The following ARRB1 variants were observed in gnomAD, a reference collection of about 807,000 sequenced individuals.
ARRB1 encodes beta-arrestin-1.
In ARRB1, 21 loss-of-function variants were observed where a neutral mutation model predicts 56.8. The observed-to-expected ratio is 0.37, with a 90% CI of 0.26 to 0.53. The LOEUF (loss-of-function observed/expected upper bound fraction) is 0.53, where lower values mean the gene tolerates loss of function less well. ARRB1 is among the 20% of genes least tolerant of loss of function. The probability of loss-of-function intolerance (pLI) is 0.88; values close to 1 mark genes in which losing one functional copy is unlikely to be tolerated. For missense variants in ARRB1, 424 were observed against 553.7 expected (o/e 0.77, Z 2.35); for synonymous variants, 210 against 218.6 (o/e 0.96, Z 0.35).
At chr11:75,299,674 C>A (rs1305937173) in intron 1 of ARRB1, among the ~76,000 whole-genome samples, 1 of 152,190 alleles carries the variant, frequency 6.6e-6, no homozygotes, top group Non-Finnish European at 1.5e-5. Context: ...AGCTCCACAT[C>A]CAGTGTGTCC....
intron 1 of ARRB1, among the ~76,000 whole-genome samples, chr11:75,338,302 T>C (rs963262274): frequency 2.0e-5 from 3 of 152,084 alleles, no homozygotes; most frequent in Non-Finnish European, 4.4e-5. Context: ...AGACAGCAAC[T>C]AGAAGACAAT....
intron 1 of ARRB1, among the ~76,000 whole-genome samples, chr11:75,319,076 C>A (rs553323652): frequency 2.8e-4 from 42 of 152,312 alleles, no homozygotes; most frequent in Non-Finnish European, 3.4e-4. Context: ...TACCCCGGGT[C>A]CCAGCCAGGA....
chr11:75,330,331 AAAAGCTGTTGAAGG>A (rs1565143080), intron 1 of ARRB1, among the ~76,000 whole-genome samples: 1 of 152,210 alleles, frequency 6.6e-6, no homozygotes, highest in Non-Finnish European at 1.5e-5. Flanking sequence ...GGAGTCCAGG[AAAAGCTGTTGAAGG>A]AAAGCTGTTT....
intron 1 of ARRB1, among the ~76,000 whole-genome samples, chr11:75,292,144 A>ATT (rs899677306): frequency 6.6e-6 from 1 of 151,474 alleles, no homozygotes; most frequent in African/African-American, 2.4e-5. Context: ...TTATTTATTT[A>ATT]TTTATATTTT....
chr11:75,302,344 G>A (rs939097326), intron 1 of ARRB1, among the ~76,000 whole-genome samples: 12 of 152,236 alleles, frequency 7.9e-5, no homozygotes, highest in African/African-American at 2.9e-4. Context: ...CTCAGGTGGT[G>A]CAGAGTGAGG....
chr11:75,330,225 C>A (rs1383385850), intron 1 of ARRB1, among the ~76,000 whole-genome samples: 1 of 152,208 alleles, frequency 6.6e-6, no homozygotes, highest in Non-Finnish European at 1.5e-5. Context: ...CTGAACTTAG[C>A]TGAGCCTTCA....
At chr11:75,284,309 C>T (rs756151892) in intron 3 of ARRB1, 30 bp from the exon 4 acceptor site, 11 of 1,587,276 alleles carry the variant, frequency 6.9e-6, no homozygotes, top group Non-Finnish European at 9.5e-6. Flanking sequence ...TAAGCGGCCT[C>T]TCCCAACCTG....
In ARRB1 at chr11:75,278,452, C is replaced by T. The variant is rs535632343; in HGVS notation, c.618+157G>A. Among the ~76,000 whole-genome samples, 4 of 152,340 alleles carry T rather than the reference C, an allele frequency of 2.6e-5. No individual in the cohort carries two copies. In the South Asian group the frequency reaches 6.2e-4, roughly 24 times the overall value. On this transcript the variant is annotated intron_variant, in intron 8 of 15. Transcript: ENST00000420843. ...AGGCCCAAGAGGCTTCTCCAAATCCCCCATGAGAGGTCTCAGATTCCCTGA... is the reference window on the plus strand; with the variant it reads ...AGGCCCAAGAGGCTTCTCCAAATCCTCCATGAGAGGTCTCAGATTCCCTGA...
chr11:75,266,360 G>T, intron 15 of ARRB1, 86 bp from the exon 16 acceptor site: 1 of 1,135,284 alleles, frequency 8.8e-7, no homozygotes, highest in Non-Finnish European at 1.3e-6. Context: ...ATGTGACTCA[G>T]AGTATGGCTC....
At chr11:75,338,996 C>A (rs551657584) in intron 1 of ARRB1, among the ~76,000 whole-genome samples, 1 of 152,118 alleles carries the variant, frequency 6.6e-6, no homozygotes, top group Admixed American at 6.5e-5. Flanking sequence ...TACAGACATG[C>A]AATTACTGGT....
intron 1 of ARRB1, among the ~76,000 whole-genome samples, chr11:75,306,133 AC>A (rs1405749210): frequency 4.6e-5 from 7 of 151,696 alleles, no homozygotes; most frequent in African/African-American, 1.7e-4. Flanking sequence ...TGGCCACCTG[AC>A]TCCCCATCCC....
chr11:75,335,045 C>A, intron 1 of ARRB1: 1 of 175,818 alleles, frequency 5.7e-6, no homozygotes. Flanking sequence ...TTGGAAAGGG[C>A]CCTGGAGCGT....
intron 1 of ARRB1, among the ~76,000 whole-genome samples, chr11:75,344,325 A>G (rs1479434888): frequency 6.6e-6 from 1 of 152,190 alleles, no homozygotes; most frequent in African/African-American, 2.4e-5. Flanking sequence ...GCCCAGAAGA[A>G]AGGTCACTCC....
intron 1 of ARRB1, among the ~76,000 whole-genome samples, chr11:75,304,640 C>G (rs893265681): frequency 6.6e-6 from 1 of 151,702 alleles, no homozygotes; most frequent in African/African-American, 2.4e-5. Flanking sequence ...TGTGGGCTGT[C>G]ATGATTTGGG....
chr11:75,286,592 G>C (rs1946482681), intron 3 of ARRB1, among the ~76,000 whole-genome samples: 1 of 152,076 alleles, frequency 6.6e-6, no homozygotes, highest in Non-Finnish European at 1.5e-5. Context: ...GGCCTAACTG[G>C]AGCGTGAGGT....
intron 1 of ARRB1, among the ~76,000 whole-genome samples, chr11:75,302,219 T>A (rs988099747): frequency 6.6e-6 from 1 of 152,132 alleles, no homozygotes; most frequent in African/African-American, 2.4e-5. Context: ...TCTGGCCAAG[T>A]CAGACTCCTG....
chr11:75,267,598 A>C, intron 15 of ARRB1, 54 bp downstream of exon 15: 3 of 1,419,698 alleles, frequency 2.1e-6, no homozygotes, highest in Non-Finnish European at 3.0e-6. Context: ...GACCCCCTCC[A>C]CCCCGCCCAC....
Position 75,340,823 on chromosome 11 carries a change from C to A in ARRB1, c.20+10765G>T, listed in dbSNP as rs906838823. Among the ~76,000 whole-genome samples the A allele has an allele frequency of 6.6e-5, 10 of 152,286 alleles. No homozygotes were observed. In the South Asian group the frequency reaches 2.1e-3, roughly 32 times the overall value. On this transcript the variant is annotated intron_variant, in intron 1 of 15. Transcript: ENST00000420843. ...CCAAGGGACTTCCCTCCACAACCGC[C>A]CCCAGCTTCCTGCTCCCCAATCTCT...
intron 1 of ARRB1, among the ~76,000 whole-genome samples, chr11:75,327,327 T>G (rs1466777083): frequency 8.2e-6 from 1 of 121,580 alleles, no homozygotes; most frequent in Admixed American, 8.0e-5. Context: ...AAAAAAAGAA[T>G]AATTGTATAA....
Sources: allele counts gnomAD v4.1 joint callset (sites outside exome capture counted in the v4.1 genomes callset), GRCh38; gene constraint gnomAD v4.1.1; transcripts MANE v1.5; gene names NCBI Gene and HGNC (gene_info 2026-07-23, HGNC 2026-07-21).